ERICH1: variants seen among roughly 807,000 people sequenced by gnomAD.
ERICH1 encodes glutamate rich 1, also known as glutamate-rich protein 1.
ERICH1 carries 56 observed loss-of-function variants against 39.6 expected under a neutral mutation model. That is an observed-to-expected ratio of 1.41 (90% confidence interval 1.14 to 1.77). The LOEUF (loss-of-function observed/expected upper bound fraction) is 1.77, where lower values mean the gene tolerates loss of function less well. ERICH1 is among the 40% of genes most tolerant of loss of function. ERICH1 has a pLI of 0.00. For missense variants in ERICH1, 826 were observed against 575.4 expected (o/e 1.44, Z -4.45); for synonymous variants, 313 against 223.6 (o/e 1.40, Z -3.57).
intron 3 of ERICH1, among the ~76,000 whole-genome samples, chr8:685,420 G>A (rs1807103754): frequency 6.6e-6 from 1 of 152,156 alleles, no homozygotes; most frequent in Non-Finnish European, 1.5e-5. Flanking sequence ...AATTTGTGCA[G>A]TTAACGCAAC....
At position 697,985 on chromosome 8, in the gene ERICH1, C is replaced by T. The variant is rs561480159; in HGVS notation, c.170-5373G>A. Among the ~76,000 whole-genome samples the T allele has an allele frequency of 6.6e-5, 10 of 152,222 alleles. No homozygotes were observed. In the East Asian group the frequency reaches 1.9e-3, roughly 30 times the overall value. The stretch of plus-strand genomic sequence containing the variant: ...AAATCCCTGCGTCTGGGGCTGGGCC[C>T]AGGTTGGAGAGCTCACGGGGGCCAC... On this transcript the variant is annotated intron_variant, in intron 2 of 5. Coordinates refer to ENST00000262109, the MANE Select transcript of ERICH1 (RefSeq NM_207332.3).
At chr8:720,768 G>A (rs1351905681) in intron 1 of ERICH1, among the ~76,000 whole-genome samples, 2 of 152,146 alleles carry the variant, frequency 1.3e-5, no homozygotes, top group Non-Finnish European at 2.9e-5. Flanking sequence ...ATGGCTGAAG[G>A]GGCTCCATGT....
chr8:625,344 C>T (rs1272405849), intron 3 of ERICH1, among the ~76,000 whole-genome samples: 2 of 152,292 alleles, frequency 1.3e-5, no homozygotes, highest in South Asian at 2.1e-4. Context: ...CCTGAAACCA[C>T]GACGCTGAGT....
chr8:634,406 T>C (rs1436392280), intron 3 of ERICH1, among the ~76,000 whole-genome samples: 2 of 151,744 alleles, frequency 1.3e-5, no homozygotes, highest in African/African-American at 2.4e-5. Flanking sequence ...GCAGCTACCA[T>C]GGAAGCTCCT....
rs1267824358 is a variant in ERICH1, at chr8:615,057, C to G, written c.*166G>C. ...AGACGTGGCTACGCTCCCAGCAGCCCTGTACCCATCGGCCACTGAAGATCT... is the reference window on the plus strand; with the variant it reads ...AGACGTGGCTACGCTCCCAGCAGCCGTGTACCCATCGGCCACTGAAGATCT... On this transcript the variant is annotated 3_prime_UTR_variant, in exon 4 of 4. Transcript: ENST00000522706. The G allele has an allele frequency of 6.9e-6, 4 of 582,970 alleles. No individual in the cohort carries two copies. The African/African-American group carries it at 7.5e-5, about 11-fold the overall frequency. The allele number at this position is 582,970 out of a possible 1,614,324, so 36.1% of individuals were successfully genotyped here. A position where few individuals can be genotyped will look rare whatever the true frequency, so the allele number is the denominator to read the frequency against.
At chr8:624,705 T>C (rs903738667) in intron 3 of ERICH1, among the ~76,000 whole-genome samples, 3 of 151,760 alleles carry the variant, frequency 2.0e-5, no homozygotes, top group Non-Finnish European at 4.4e-5. Context: ...ACACACTTTT[T>C]TTTTTATATT....
intron 1 of ERICH1, among the ~76,000 whole-genome samples, chr8:729,011 G>C: frequency 6.6e-6 from 1 of 152,136 alleles, no homozygotes; most frequent in Non-Finnish European, 1.5e-5. Context: ...GCCAGGCAGG[G>C]GAGAGTATGG....
rs368195608 is a variant in ERICH1 at position 723,715 on chromosome 8, C to A, written c.22+7425G>T. 2.6e-5 allele frequency among the ~76,000 whole-genome samples: 4 copies of A among 152,184 alleles called. No individual in the cohort carries two copies. The South Asian group carries it at 8.3e-4, about 31-fold the overall frequency. On this transcript the variant is annotated intron_variant, in intron 1 of 5. Coordinates refer to ENST00000262109, the MANE Select transcript of ERICH1 (RefSeq NM_207332.3). Reference sequence around the variant, plus strand: ...TAGGGTTATTGTATTTTCTGGAAATCTGATTGTTTCAATTTTCTTTTTTCA... The same window carrying A: ...TAGGGTTATTGTATTTTCTGGAAATATGATTGTTTCAATTTTCTTTTTTCA...
At chr8:677,346 G>C (rs956205923) in intron 3 of ERICH1, among the ~76,000 whole-genome samples, 2 of 152,216 alleles carry the variant, frequency 1.3e-5, no homozygotes, top group East Asian at 1.9e-4. Context: ...CTTTGTGGAA[G>C]AGAGTTCCCA....
chr8:631,798 A>G (rs1276549890), intron 3 of ERICH1, among the ~76,000 whole-genome samples: 1 of 151,790 alleles, frequency 6.6e-6, no homozygotes, highest in Non-Finnish European at 1.5e-5. Flanking sequence ...GCACTGACTA[A>G]TTTTCTAGGA....
At chr8:654,812 T>G (rs1585061312) in intron 3 of ERICH1, among the ~76,000 whole-genome samples, 1 of 152,038 alleles carries the variant, frequency 6.6e-6, no homozygotes, top group Admixed American at 6.5e-5. Context: ...GCAGTGCAGG[T>G]AGATACACCA....
intron 2 of ERICH1, among the ~76,000 whole-genome samples, chr8:702,633 G>A (rs539574560): frequency 2.6e-5 from 4 of 152,376 alleles, no homozygotes; most frequent in Admixed American, 2.0e-4. Context: ...GCCACGTGCT[G>A]CAGGATTCAC....
intron 3 of ERICH1, among the ~76,000 whole-genome samples, chr8:634,168 C>CAAAAAAAAAAAAA (rs56687918): frequency 3.3e-4 from 30 of 91,898 alleles, no homozygotes; most frequent in South Asian, 6.8e-4. Context: ...TCCTAAAACT[C>CAAAAAAAAAAAAA]AAAAAAAAAA....
intron 3 of ERICH1, among the ~76,000 whole-genome samples, chr8:678,865 G>C (rs542910414): frequency 1.3e-5 from 2 of 152,234 alleles, no homozygotes; most frequent in South Asian, 4.1e-4. Flanking sequence ...TAGCAGAAAA[G>C]ATAATGACCC....
intron 1 of ERICH1, chr8:725,681 C>T (rs1231970232): frequency 5.2e-5 from 8 of 152,980 alleles, no homozygotes; most frequent in Non-Finnish European, 1.2e-4. Flanking sequence ...TCTTCATCCC[C>T]ACGTGCTCTG....
intron 2 of ERICH1, among the ~76,000 whole-genome samples, chr8:703,007 G>C (rs1033789099): frequency 6.6e-6 from 1 of 152,238 alleles, no homozygotes; most frequent in African/African-American, 2.4e-5. Flanking sequence ...ACCCAGGCAG[G>C]CAGCAAGTCT....
At chr8:633,674 A>G (rs1261867532) in intron 3 of ERICH1, among the ~76,000 whole-genome samples, 1 of 152,244 alleles carries the variant, frequency 6.6e-6, no homozygotes, top group East Asian at 1.9e-4. Context: ...CCGTCCTGAT[A>G]TAAAGGTGGT....
chr8:641,746 G>C (rs1005330179), intron 3 of ERICH1, among the ~76,000 whole-genome samples: 3 of 152,118 alleles, frequency 2.0e-5, no homozygotes, highest in Non-Finnish European at 4.4e-5. Flanking sequence ...TTCCTCTCCT[G>C]TCTGCGTTTT....
At chr8:617,429 T>C (rs1796989941) in intron 3 of ERICH1, among the ~76,000 whole-genome samples, 1 of 152,172 alleles carries the variant, frequency 6.6e-6, no homozygotes, top group South Asian at 2.1e-4. Context: ...TGTTTATCCA[T>C]TTGGTCCTCA....
Sources: allele counts gnomAD v4.1 joint callset (sites outside exome capture counted in the v4.1 genomes callset), GRCh38; gene constraint gnomAD v4.1.1; transcripts MANE v1.5; gene names NCBI Gene and HGNC (gene_info 2026-07-23, HGNC 2026-07-21).